The following EBF1 variants were observed in gnomAD, a reference collection of about 807,000 sequenced individuals.
The protein encoded by EBF1 is EBF transcription factor 1.
Under a neutral mutation model 68.4 loss-of-function variants are expected in EBF1, and 10 were observed. That is an observed-to-expected ratio of 0.15 (90% confidence interval 0.09 to 0.25). The LOEUF (loss-of-function observed/expected upper bound fraction) is 0.25. Ranked by LOEUF, EBF1 falls within the 10% of genes least tolerant of loss-of-function variation. EBF1 has a pLI of 1.00. For missense variants in EBF1, 509 were observed against 794.4 expected, an observed-to-expected ratio of 0.64 and a Z score of 4.32; for synonymous variants, 298 against 299.8, an observed-to-expected ratio of 0.99 and a Z score of 0.06.
At chr5:158,808,098 T>C (rs1427764138) in intron 8 of EBF1, among the ~76,000 whole-genome samples, 1 of 152,158 alleles carries the variant, frequency 6.6e-6, no homozygotes, top group African/African-American at 2.4e-5. Flanking sequence ...CAGCGTTTGT[T>C]ACAGCACAGA....
intron 6 of EBF1, among the ~76,000 whole-genome samples, chr5:158,990,378 T>A (rs1425404167): frequency 1.3e-5 from 2 of 152,164 alleles, no homozygotes; most frequent in Non-Finnish European, 2.9e-5. Context: ...TTTAAAGATC[T>A]CCCTAGCTGC....
chr5:159,088,703 G>T (rs926454368), intron 4 of EBF1, among the ~76,000 whole-genome samples: 7 of 152,216 alleles, frequency 4.6e-5, no homozygotes, highest in African/African-American at 1.7e-4. Flanking sequence ...TATGAGGAAG[G>T]TTGTCTGTTG....
At chr5:158,984,656 A>G (rs1758636282) in intron 6 of EBF1, 1 of 151,054 alleles carries the variant, frequency 6.6e-6, no homozygotes, top group African/African-American at 2.4e-5. Flanking sequence ...GCGTCCAGCT[A>G]CAATCTAACG....
intron 8 of EBF1, among the ~76,000 whole-genome samples, chr5:158,812,860 T>A (rs1455045045): frequency 1.3e-5 from 2 of 152,156 alleles, no homozygotes; most frequent in Admixed American, 1.3e-4. Flanking sequence ...AGACCCTACT[T>A]GTTTAAAAAT....
At chr5:158,922,001 G>A (rs1341574363) in intron 6 of EBF1, among the ~76,000 whole-genome samples, 1 of 152,228 alleles carries the variant, frequency 6.6e-6, no homozygotes, top group African/African-American at 2.4e-5. Flanking sequence ...GACAGAGACA[G>A]ACAGCGAAAA....
chr5:158,866,602 A>G (rs1253280492), intron 6 of EBF1, among the ~76,000 whole-genome samples: 2 of 151,838 alleles, frequency 1.3e-5, no homozygotes, highest in African/African-American at 4.8e-5. Context: ...AAACCTAATC[A>G]TCCATACCGG....
chr5:159,006,646 T>TAAA (rs1763609373), intron 6 of EBF1, among the ~76,000 whole-genome samples: 1 of 12,088 alleles, frequency 8.3e-5, no homozygotes, highest in Non-Finnish European at 2.0e-4. Flanking sequence ...CATAGCCATG[T>TAAA]TAAAAAAAAA....
chr5:158,715,319 G>T (rs1421587699), intron 11 of EBF1, among the ~76,000 whole-genome samples: 1 of 152,198 alleles, frequency 6.6e-6, no homozygotes, highest in Non-Finnish European at 1.5e-5. Context: ...TGCAGTCGCT[G>T]ATCAGAAAAT....
chr5:158,702,706 T>C lies in EBF1; in HGVS notation c.1745-3564A>G, dbSNP rs575918876. Among the ~76,000 whole-genome samples the C allele has an allele frequency of 1.8e-4, 20 of 113,154 alleles. 1 individual carries two copies. The highest frequency in any genetic ancestry group is 5.9e-4 in the African/African-American group (17 of 28,668). The allele number at this position is 113,154 out of a possible 152,430, so 74.2% of individuals were successfully genotyped here. A position where few individuals can be genotyped will look rare whatever the true frequency, so the allele number is the denominator to read the frequency against. On this transcript the variant is annotated intron_variant, in intron 15 of 15. Coordinates refer to ENST00000313708, the MANE Select transcript of EBF1 (RefSeq NM_024007.5). ...TTGCAGTGAGCCGAGATCGCGCCAC[T>C]GCACTCCAGCCTGGGCTACAGAGGG...
At chr5:158,985,322 A>G (rs1233953051) in intron 6 of EBF1, among the ~76,000 whole-genome samples, 1 of 152,178 alleles carries the variant, frequency 6.6e-6, no homozygotes, top group Non-Finnish European at 1.5e-5. Flanking sequence ...TCTTGACCAT[A>G]AGGTGAAAAA....
intron 15 of EBF1, among the ~76,000 whole-genome samples, chr5:158,700,167 T>TG (rs1328511590): frequency 4.0e-4 from 61 of 152,380 alleles, no homozygotes; most frequent in African/African-American, 1.4e-3. Flanking sequence ...TGTGACCTTG[T>TG]GTTAATTGCT....
At chr5:158,860,123 C>T (rs1794721038) in intron 6 of EBF1, among the ~76,000 whole-genome samples, 1 of 152,202 alleles carries the variant, frequency 6.6e-6, no homozygotes, top group Non-Finnish European at 1.5e-5. Flanking sequence ...ATGATGCTAT[C>T]AACATGATTA....
In EBF1 at chr5:159,091,888, G is replaced by T. The variant is rs181589687; in HGVS notation, c.411+3732C>A. On this transcript the variant is annotated intron_variant, in intron 4 of 15. Coordinates refer to ENST00000313708, the MANE Select transcript of EBF1 (RefSeq NM_024007.5). ...ATACATACAAGGATTATGTGACTAC[G>T]ATTTCCTGCTTCTCAAGCAGGCTTT... 9.0e-4 allele frequency among the ~76,000 whole-genome samples: 137 copies of T among 152,240 alleles called. No homozygotes were observed. In the Middle Eastern group the frequency reaches 0.027, roughly 30 times the overall value.
chr5:158,982,509 G>A (rs971461070), intron 6 of EBF1, among the ~76,000 whole-genome samples: 7 of 152,184 alleles, frequency 4.6e-5, no homozygotes, highest in African/African-American at 1.7e-4. Flanking sequence ...GCCTTACTTA[G>A]TGTTATACAT....
At chr5:158,879,739 G>T (rs1295428269) in intron 6 of EBF1, among the ~76,000 whole-genome samples, 2 of 152,140 alleles carry the variant, frequency 1.3e-5, no homozygotes, top group Non-Finnish European at 2.9e-5. Context: ...AAAGTTGTAG[G>T]CAATTTGAGT....
intron 6 of EBF1, among the ~76,000 whole-genome samples, chr5:158,841,317 G>A (rs919665784): frequency 6.6e-6 from 1 of 152,122 alleles, no homozygotes; most frequent in Admixed American, 6.5e-5. Context: ...TGTCATATTG[G>A]GGCATTCATG....
intron 6 of EBF1, among the ~76,000 whole-genome samples, chr5:158,956,856 T>G (rs1470984171): frequency 6.6e-6 from 1 of 151,580 alleles, no homozygotes; most frequent in Non-Finnish European, 1.5e-5. Flanking sequence ...CCTCCCGGGT[T>G]CACACCATTC....
chr5:159,090,655 T>C (rs1227356820), intron 4 of EBF1, among the ~76,000 whole-genome samples: 1 of 152,094 alleles, frequency 6.6e-6, no homozygotes, highest in Non-Finnish European at 1.5e-5. Flanking sequence ...CTAAAACCCC[T>C]TATATTATTC....
At chr5:158,740,172 C>T (rs137960361) in intron 10 of EBF1, among the ~76,000 whole-genome samples, 80 of 152,292 alleles carry the variant, frequency 5.3e-4, no homozygotes, top group Admixed American at 3.3e-3. Context: ...AACACAATTG[C>T]TAAACAACAA....
Sources: gnomAD v4.1 joint callset for allele counts (sites outside exome capture counted in the v4.1 genomes callset) on GRCh38, gnomAD v4.1.1 for gene constraint, MANE v1.5 for transcripts, NCBI Gene and HGNC (gene_info 2026-07-23, HGNC 2026-07-21) for gene names.